Variants in DNER observed in about 807,000 individuals in gnomAD.
DNER encodes delta and Notch-like epidermal growth factor-related receptor.
A neutral mutation model predicts 78.2 loss-of-function variants in DNER; 33 were observed. That is an observed-to-expected ratio of 0.42 (90% CI 0.32 to 0.56). DNER has a LOEUF of 0.56. DNER is among the 20% of genes least tolerant of loss of function. The probability of loss-of-function intolerance (pLI) is 0.11; values close to 1 mark genes in which losing one functional copy is unlikely to be tolerated. For missense variants in DNER, 918 were observed against 975.3 expected, an observed-to-expected ratio of 0.94 and a Z score of 0.78; for synonymous variants, 417 against 384.8, an observed-to-expected ratio of 1.08 and a Z score of -0.98.
chr2:229,657,643 G>A (rs1170463026), intron 1 of DNER, among the ~76,000 whole-genome samples: 5 of 152,168 alleles, frequency 3.3e-5, no homozygotes, highest in Admixed American at 1.3e-4. Context: ...AGTGCCATAC[G>A]ATGTGACAAG....
intron 4 of DNER, among the ~76,000 whole-genome samples, chr2:229,582,572 A>G (rs964069710): frequency 1.3e-5 from 2 of 152,210 alleles, no homozygotes; most frequent in African/African-American, 4.8e-5. Context: ...GTTACTCAAA[A>G]TCATTGCTTT....
chr2:229,490,070 A>G (rs76247640), intron 6 of DNER, among the ~76,000 whole-genome samples: 18,988 of 152,178 alleles, frequency 0.12, 1,329 homozygotes, highest in South Asian at 0.2. Context: ...AAGCGGAGGA[A>G]GTGGACATAT....
chr2:229,702,845 AG>A (rs1394768355), intron 1 of DNER, among the ~76,000 whole-genome samples: 1 of 138,078 alleles, frequency 7.2e-6, no homozygotes, highest in Non-Finnish European at 1.5e-5. Flanking sequence ...TGAACACGGG[AG>A]GTAGAGCTTG....
intron 7 of DNER, among the ~76,000 whole-genome samples, chr2:229,452,923 CAGCCAA>C (rs1694492163): frequency 1.3e-5 from 2 of 152,174 alleles, no homozygotes; most frequent in Admixed American, 1.3e-4. Context: ...CCACCACACC[CAGCCAA>C]GGCTTGTCAT....
intron 10 of DNER, among the ~76,000 whole-genome samples, chr2:229,400,275 A>C (rs1302214886): frequency 6.6e-6 from 1 of 152,080 alleles, no homozygotes; most frequent in Non-Finnish European, 1.5e-5. Context: ...TACATCATGC[A>C]ATATTTATGG....
intron 4 of DNER, among the ~76,000 whole-genome samples, chr2:229,557,608 T>C (rs68133819): frequency 0.13 from 19,211 of 148,162 alleles, 1,383 homozygotes; most frequent in Middle Eastern, 0.21. Context: ...GAAAGAGAAA[T>C]AGAAAGGAGA....
chr2:229,462,001 T>G (rs1274258808), intron 7 of DNER, among the ~76,000 whole-genome samples: 1 of 152,072 alleles, frequency 6.6e-6, no homozygotes, highest in Non-Finnish European at 1.5e-5. Context: ...AGAATTACAA[T>G]GGAAAATAAA....
intron 1 of DNER, among the ~76,000 whole-genome samples, chr2:229,684,165 A>AGTGTGTGTGT (rs1392061568): frequency 6.0e-5 from 7 of 117,076 alleles, no homozygotes; most frequent in South Asian, 3.1e-4. Context: ...AGAGAGAGAG[A>AGTGTGTGTGT]GAGAGTGTGT....
intron 7 of DNER, among the ~76,000 whole-genome samples, chr2:229,467,988 C>T (rs952508541): frequency 2.0e-5 from 3 of 152,176 alleles, no homozygotes; most frequent in Non-Finnish European, 2.9e-5. Context: ...CTGCCACAGC[C>T]GTGACAGTGG....
intron 1 of DNER, among the ~76,000 whole-genome samples, chr2:229,676,847 T>C (rs1226603571): frequency 6.6e-6 from 1 of 152,176 alleles, no homozygotes; most frequent in Non-Finnish European, 1.5e-5. Context: ...TGTCACCCAG[T>C]GTAGGGTTTG....
intron 1 of DNER, among the ~76,000 whole-genome samples, chr2:229,655,549 T>C (rs775929673): frequency 2.7e-4 from 41 of 152,252 alleles, no homozygotes; most frequent in East Asian, 7.7e-4. Flanking sequence ...ATTTAGTGAA[T>C]GGCTTTTGGT....
chr2:229,681,544 TC>T (rs1423929366), intron 1 of DNER, among the ~76,000 whole-genome samples: 1 of 151,930 alleles, frequency 6.6e-6, no homozygotes, highest in Non-Finnish European at 1.5e-5. Context: ...AATAATAAAT[TC>T]CCCCCTTGTC....
At chr2:229,621,359 T>G (rs72991662) in intron 1 of DNER, among the ~76,000 whole-genome samples, 3,240 of 152,284 alleles carry the variant, frequency 0.021, 45 homozygotes, top group Middle Eastern at 0.034. Flanking sequence ...GGATTCTCAT[T>G]GACGACCAAA....
rs1694400215 is a variant in DNER, at chr2:229,449,154, A to G, written c.1262-1614T>C. Among the ~76,000 whole-genome samples the G allele has an allele frequency of 2.0e-5, 3 of 152,212 alleles. No individual in the cohort carries two copies. The East Asian group carries it at 5.8e-4, about 29-fold the overall frequency. ...AAAATGTACCATACAATCAGTTTTA[A>G]TAACACTTGAATTCTCCAAAAAGTT... On this transcript the variant is annotated intron_variant, in intron 7 of 12. Coordinates refer to ENST00000341772, the MANE Select transcript of DNER (RefSeq NM_139072.4).
chr2:229,389,556 G>A (rs1484296006), intron 10 of DNER, among the ~76,000 whole-genome samples: 1 of 152,092 alleles, frequency 6.6e-6, no homozygotes, highest in African/African-American at 2.4e-5. Flanking sequence ...TAAAGCATAT[G>A]GACAAAATCA....
intron 1 of DNER, among the ~76,000 whole-genome samples, chr2:229,633,506 T>C (rs1217092763): frequency 6.6e-6 from 1 of 152,254 alleles, no homozygotes; most frequent in Non-Finnish European, 1.5e-5. Flanking sequence ...ACAACTAAGA[T>C]AGTAGAATTT....
intron 11 of DNER, among the ~76,000 whole-genome samples, chr2:229,379,294 A>C (rs530810753): frequency 6.6e-6 from 1 of 151,824 alleles, no homozygotes; most frequent in South Asian, 2.1e-4. Flanking sequence ...ACTGAACAGC[A>C]GAAATCTGGA....
At position 229,439,237 on chromosome 2, in the gene DNER, C is replaced by T. The variant is rs372673828; in HGVS notation, c.1486+8079G>A. ...AGAATGCCCACTATGGCCATTTCAT[C>T]TCACCTCCAGTCCAACTCTAACCTT... On this transcript the variant is annotated intron_variant, in intron 8 of 12. Transcript: ENST00000341772. Among the ~76,000 whole-genome samples, 8 of 152,334 alleles carry T rather than the reference C, an allele frequency of 5.3e-5. No homozygotes were observed. In the East Asian group the frequency reaches 1.2e-3, roughly 22 times the overall value.
intron 10 of DNER, among the ~76,000 whole-genome samples, chr2:229,396,300 ACAC>A (rs765016661): frequency 0.12 from 17,932 of 152,264 alleles, 1,791 homozygotes; most frequent in East Asian, 0.52. Flanking sequence ...CTTTTAGTTT[ACAC>A]GACTTTAGTA....
Sources: gnomAD v4.1 joint callset for allele counts (sites outside exome capture counted in the v4.1 genomes callset) on GRCh38, gnomAD v4.1.1 for gene constraint, MANE v1.5 for transcripts, NCBI Gene and HGNC (gene_info 2026-07-23, HGNC 2026-07-21) for gene names.